The following GPR107 variants were observed in gnomAD, a reference collection of about 807,000 sequenced individuals.
The protein encoded by GPR107 is G protein-coupled receptor 107, also known as protein GPR107.
A neutral mutation model predicts 75.5 loss-of-function variants in GPR107; 31 were observed. The ratio of observed to expected loss-of-function variants is 0.41; its 90% CI spans 0.31 to 0.55. GPR107 has a LOEUF of 0.55. GPR107 is among the 20% of genes least tolerant of loss of function. The pLI is 0.26. For synonymous variants in GPR107, 267 were observed against 251.3 expected, an observed-to-expected ratio of 1.06 and a Z score of -0.59; for missense variants, 572 against 665.7, an observed-to-expected ratio of 0.86 and a Z score of 1.55.
At chr9:130,055,971 A>G (rs1027947338) in intron 1 of GPR107, among the ~76,000 whole-genome samples, 2 of 151,884 alleles carry the variant, frequency 1.3e-5, no homozygotes, top group East Asian at 1.9e-4. Context: ...ATAAATAAAT[A>G]AATGCAAGCC....
chr9:130,095,906 C>A (rs1387012360), intron 9 of GPR107, among the ~76,000 whole-genome samples: 2 of 152,106 alleles, frequency 1.3e-5, no homozygotes, highest in Non-Finnish European at 2.9e-5. Flanking sequence ...ATTTCACTGG[C>A]CCCTGAAAGC....
intron 6 of GPR107, among the ~76,000 whole-genome samples, chr9:130,085,293 T>A (rs375785555): frequency 2.6e-5 from 4 of 152,054 alleles, no homozygotes; most frequent in South Asian, 4.2e-4. Flanking sequence ...GGGAAGCCAG[T>A]TAGGGTCATG....
Position 130,103,071 on chromosome 9 carries a change from A to G in GPR107, c.1132-1349A>G, listed in dbSNP as rs552774143. On this transcript the variant is annotated intron_variant, in intron 12 of 17. Transcript: ENST00000347136. This position sits in a 1 kb window ranked among gnomAD's most constrained non-coding sequence, Gnocchi z 4.3. ...TCCCCAAATTTCTGGGATTATGGGT[A>G]TGAGCCACCGCACCCAGCCCTACTT... Among the ~76,000 whole-genome samples the G allele has an allele frequency of 1.3e-5, 2 of 152,166 alleles. No homozygotes were observed. The highest frequency in any genetic ancestry group is 3.4e-3 in the Middle Eastern group (1 of 294).
At chr9:130,085,771 T>TTTTTTTTTTTTTTTTTTTTTTTGTGG in intron 6 of GPR107, among the ~76,000 whole-genome samples, 1 of 133,508 alleles carries the variant, frequency 7.5e-6, no homozygotes, top group Non-Finnish European at 1.7e-5. Flanking sequence ...TTTTTTTTTT[T>TTTTTTTTTTTTTTTTTTTTTTTGTGG]GCCGGGGGGA....
At chr9:130,066,508 A>G (rs1333695434) in intron 1 of GPR107, among the ~76,000 whole-genome samples, 4 of 151,900 alleles carry the variant, frequency 2.6e-5, no homozygotes, top group Non-Finnish European at 4.4e-5. Flanking sequence ...CTCCAAAACT[A>G]TGATCAGTAT....
chr9:130,118,753 C>T (rs762433519), intron 14 of GPR107, among the ~76,000 whole-genome samples: 4 of 152,150 alleles, frequency 2.6e-5, no homozygotes, highest in Non-Finnish European at 5.9e-5. Context: ...GCAGCCTGGG[C>T]ATCTATACTT....
chr9:130,080,319 T>C (rs151204145), intron 5 of GPR107, among the ~76,000 whole-genome samples: 3 of 152,306 alleles, frequency 2.0e-5, no homozygotes, highest in Admixed American at 6.5e-5. Flanking sequence ...TTGATGTATA[T>C]TTTTAAATTC....
At chr9:130,057,703 G>T (rs1173177896) in intron 1 of GPR107, among the ~76,000 whole-genome samples, 4 of 151,664 alleles carry the variant, frequency 2.6e-5, no homozygotes, top group African/African-American at 4.8e-5. Context: ...TTAGAAATGA[G>T]TCCTCTTATA....
intron 7 of GPR107, among the ~76,000 whole-genome samples, chr9:130,087,337 C>G (rs1018264961): frequency 1.3e-5 from 2 of 152,128 alleles, no homozygotes; most frequent in African/African-American, 2.4e-5. Context: ...CTTGCCTGGT[C>G]TCACTTACTT....
intron 15 of GPR107, among the ~76,000 whole-genome samples, chr9:130,125,807 T>C (rs1831662843): frequency 6.6e-6 from 1 of 152,084 alleles, no homozygotes; most frequent in Non-Finnish European, 1.5e-5. Flanking sequence ...CCCAGCACTT[T>C]GGGAGACCGA....
chr9:130,132,398 A>G (rs1258305780), intron 17 of GPR107, among the ~76,000 whole-genome samples: 3 of 152,230 alleles, frequency 2.0e-5, no homozygotes, highest in African/African-American at 7.2e-5. Flanking sequence ...TTGGGTGACC[A>G]GGCAGACTGG....
At chr9:130,089,347 GTGGAGCAGGCAGTGCA>G (rs970219050) in intron 7 of GPR107, among the ~76,000 whole-genome samples, 8 of 152,176 alleles carry the variant, frequency 5.3e-5, no homozygotes, top group Non-Finnish European at 1.2e-4. Flanking sequence ...CTTGGGATGC[GTGGAGCAGGCAGTGCA>G]TGGGTAGCTT....
intron 14 of GPR107, among the ~76,000 whole-genome samples, chr9:130,116,219 A>G (rs1277336877): frequency 6.6e-6 from 1 of 152,158 alleles, no homozygotes. Context: ...GCCCACAGCC[A>G]CCCAGAGGGC....
chr9:130,075,906 C>T (rs950719364), intron 2 of GPR107, among the ~76,000 whole-genome samples, 157 bp downstream of exon 2: 4 of 151,990 alleles, frequency 2.6e-5, no homozygotes, highest in East Asian at 3.9e-4. Flanking sequence ...CTCAGCCTCC[C>T]GAGTAGCTGG....
intron 9 of GPR107, among the ~76,000 whole-genome samples, chr9:130,094,972 C>T (rs568124374): frequency 2.0e-5 from 3 of 152,158 alleles, no homozygotes; most frequent in East Asian, 1.9e-4. Flanking sequence ...TGAGCCACTG[C>T]GCCCGGCCTC....
rs540623554 is a variant in GPR107, at chr9:130,123,309, A to G, written c.1307-1606A>G. On this transcript the variant is annotated intron_variant, in intron 14 of 17. Transcript: ENST00000347136. ...AACTGCCATCTCCCAGATTCAAGCA[A>G]TTCTCCGTCTCAGCCTCCCAAATAG... 8.9e-4 allele frequency among the ~76,000 whole-genome samples: 135 copies of G among 152,108 alleles called. 1 individual carries two copies. The highest frequency in any genetic ancestry group is 3.1e-3 in the African/African-American group (129 of 41,534).
In GPR107 at chr9:130,122,948, C is replaced by T. The variant is rs1022416657; in HGVS notation, c.1307-1967C>T. Among the ~76,000 whole-genome samples the T allele has an allele frequency of 3.9e-5, 6 of 152,226 alleles. No individual in the cohort carries two copies. The Middle Eastern group carries it at 0.01, about 259-fold the overall frequency. On this transcript the variant is annotated intron_variant, in intron 14 of 17. Transcript: ENST00000347136. ...GGTCAAGGCTGCAGTGAGCTGTGATCGTGCCACTGCACTACAGCCTGGGTG... is the reference window on the plus strand; with the variant it reads ...GGTCAAGGCTGCAGTGAGCTGTGATTGTGCCACTGCACTACAGCCTGGGTG...
In GPR107 at chr9:130,089,114, G is replaced by A. The variant is rs1220131285; in HGVS notation, c.622-1762G>A. Among the ~76,000 whole-genome samples the A allele has an allele frequency of 3.3e-5, 5 of 152,074 alleles. No individual in the cohort carries two copies. In the South Asian group the frequency reaches 1.0e-3, roughly 32 times the overall value. On this transcript the variant is annotated intron_variant, in intron 7 of 17. Transcript: ENST00000347136. The stretch of plus-strand genomic sequence containing the variant: ...GAACCCGGGAGGCTGAGGTTGCAAT[G>A]AGCCGAGATCACGCCACTGCACTCC...
intron 14 of GPR107, chr9:130,110,524 C>T (rs1831270460): frequency 1.2e-5 from 9 of 726,034 alleles, no homozygotes; most frequent in Non-Finnish European, 2.3e-5. Flanking sequence ...GAAAGAGGGA[C>T]AGAGCAGATT....
Sources: gnomAD v4.1 joint callset for allele counts (sites outside exome capture counted in the v4.1 genomes callset) on GRCh38, gnomAD v4.1.1 for gene constraint, Gnocchi (gnomAD v3.1) non-coding constraint, MANE v1.5 for transcripts, NCBI Gene and HGNC (gene_info 2026-07-23, HGNC 2026-07-21) for gene names.